TMEM184C: variants seen among roughly 807,000 people sequenced by gnomAD.
TMEM184C encodes the protein transmembrane protein 184C.
A neutral mutation model predicts 54.5 loss-of-function variants in TMEM184C; 25 were observed. That is an observed-to-expected ratio of 0.46 (90% CI 0.33 to 0.64). TMEM184C has a LOEUF of 0.64. TMEM184C is among the 30% of genes least tolerant of loss of function. TMEM184C has a pLI of 0.02. For missense variants in TMEM184C, 335 were observed against 520.3 expected, an observed-to-expected ratio of 0.64 and a Z score of 3.46; for synonymous variants, 148 against 181.5, an observed-to-expected ratio of 0.82 and a Z score of 1.49.
intron 6 of TMEM184C, among the ~76,000 whole-genome samples, chr4:147,630,150 A>T (rs755449074): frequency 1.8e-4 from 28 of 152,026 alleles, no homozygotes; most frequent in Non-Finnish European, 3.8e-4. Context: ...TTAAAGGAAA[A>T]TTGAGAATGC....
chr4:147,625,159 T>C, intron 4 of TMEM184C, 150 bp downstream of exon 4: 1 of 702,698 alleles, frequency 1.4e-6, no homozygotes, highest in Non-Finnish European at 2.3e-6. Flanking sequence ...TCATAGTTGT[T>C]TGAAGGCTAA....
chr4:147,628,386 G>T lies in TMEM184C; in HGVS notation c.523G>T (p.Gly175Cys). 6.2e-7 allele frequency: 1 copy of T among 1,613,206 alleles called. No homozygotes were observed. Among genetic ancestry groups the T allele is most frequent in the Non-Finnish European group, 8.5e-7 (1 of 1,179,770 alleles). The change falls in exon 5 of 10, where the codon GGT becomes TGT. Residue 175 changes from glycine (G) to cysteine (C), a missense_variant. Coordinates refer to ENST00000296582, the MANE Select transcript of TMEM184C (RefSeq NM_018241.3). Reference sequence around the variant, plus strand: ...AGTATTGCTGTTTAGGTGCAAACTAGGTGTATTACAGTACACAGTTGTCAG... The same window carrying T: ...AGTATTGCTGTTTAGGTGCAAACTATGTGTATTACAGTACACAGTTGTCAG... ...GEVLLFRCKL[G>C]VLQYTVVRPF...
chr4:147,632,983 C>G lies in TMEM184C; in HGVS notation c.860C>G (p.Ala287Gly), dbSNP rs776308493. ...KHTWEWQTVE[A>G]VATGLQDFII... ...ACGTGGGAATGGCAAACTGTAGAAG[C>G]TGTGGCCACCGGACTCCAGGTAAGT... Residue 287 changes from alanine to glycine, a missense_variant, in exon 8 of 10, where the codon GCT becomes GGT. Physicochemically the swap from Ala to Gly is moderately conservative, Grantham distance 60. Coordinates refer to ENST00000296582, the MANE Select transcript of TMEM184C (RefSeq NM_018241.3). 3 of 1,613,880 alleles carry G rather than the reference C, an allele frequency of 1.9e-6. No homozygotes were observed. In the African/African-American group the frequency reaches 4.0e-5, roughly 22 times the overall value.
chr4:147,621,579 GTTAC>G (rs1321619063), intron 1 of TMEM184C, among the ~76,000 whole-genome samples: 2 of 152,026 alleles, frequency 1.3e-5, no homozygotes, highest in African/African-American at 4.8e-5. Context: ...CTATTACAAT[GTTAC>G]TTAAATATAT....
intron 3 of TMEM184C, 144 bp downstream of exon 3, chr4:147,624,242 G>T: frequency 1.6e-6 from 1 of 622,554 alleles, no homozygotes; most frequent in Non-Finnish European, 2.6e-6. Context: ...TAATGATAGA[G>T]AATATAAAGT....
intron 8 of TMEM184C, 110 bp from the exon 9 acceptor site, chr4:147,633,655 A>T: frequency 2.2e-6 from 2 of 901,120 alleles, no homozygotes; most frequent in Non-Finnish European, 3.1e-6. Context: ...GAGAAGAAAA[A>T]ACACAGCTGT....
chr4:147,618,012 C>A lies in TMEM184C; in HGVS notation c.56C>A (p.Ala19Glu). 6.2e-7 allele frequency: 1 copy of A among 1,614,110 alleles called. No homozygotes were observed. ...NWRQWIRPLVAVIYLVSIVVA... is the reference protein window; with the variant it reads ...NWRQWIRPLVEVIYLVSIVVA... ...AGACAGTGGATTCGACCTTTAGTAG[C>A]GGTCATCTACCTGGTGTCAATAGTG... Residue 19 changes from alanine (A) to glutamate (E), a missense_variant, in exon 1 of 10, where the codon GCG becomes GAG. Coordinates refer to ENST00000296582, the MANE Select transcript of TMEM184C (RefSeq NM_018241.3).
chr4:147,622,046 G>A (rs372985741), intron 1 of TMEM184C, among the ~76,000 whole-genome samples: 12 of 148,398 alleles, frequency 8.1e-5, no homozygotes, highest in East Asian at 2.0e-4. Context: ...GTGCAGTGGC[G>A]CGGTCATGGC....
chr4:147,630,573 A>C (rs543543710), intron 6 of TMEM184C, among the ~76,000 whole-genome samples: 2 of 152,228 alleles, frequency 1.3e-5, no homozygotes, highest in African/African-American at 4.8e-5. Flanking sequence ...CCAAAATATT[A>C]GGCAGTTACT....
Position 147,636,100 on chromosome 4 carries a change from G to A in TMEM184C, c.*1666G>A, listed in dbSNP as rs1003729684. 1 of 151,926 alleles carries A rather than the reference G, an allele frequency of 6.6e-6. No homozygotes were observed. The highest frequency in any genetic ancestry group is 1.5e-5 in the Non-Finnish European group (1 of 67,958). 9.4% of individuals were successfully genotyped at this position (151,926 alleles called of 1,614,324 possible). On this transcript the variant is annotated 3_prime_UTR_variant, in exon 10 of 10. Transcript: ENST00000296582. ...AATGCAATCCTATCAAAATTCCAAT[G>A]GCATTATTTACACAAACAGAAAAAA... is the stretch of plus-strand genomic sequence containing the variant.
chr4:147,618,303 AG>A (rs2126545394), intron 1 of TMEM184C, among the ~76,000 whole-genome samples: 1 of 152,344 alleles, frequency 6.6e-6, no homozygotes, highest in South Asian at 2.1e-4. Flanking sequence ...ATATTAATAT[AG>A]CTGCTTAGAA....
chr4:147,625,112 A>G, intron 4 of TMEM184C, 103 bp downstream of exon 4: 1 of 1,110,656 alleles, frequency 9.0e-7, no homozygotes, highest in Non-Finnish European at 1.3e-6. Context: ...AAGTATTAAT[A>G]GCAGAACAAT....
intron 1 of TMEM184C, among the ~76,000 whole-genome samples, chr4:147,621,228 C>T (rs992122354): frequency 6.6e-6 from 1 of 152,136 alleles, no homozygotes; most frequent in African/African-American, 2.4e-5. Context: ...TCTACTCTCT[C>T]CCCTCAGGAA....
rs1292905649 is a variant in TMEM184C at position 147,632,885 on chromosome 4, C to T, written c.780-18C>T. ...ATGCTTGATATAGATTTGGCGTTTACCTTTTCCTAACATATAGGCAAGCAG... is the reference window on the plus strand; with the variant it reads ...ATGCTTGATATAGATTTGGCGTTTATCTTTTCCTAACATATAGGCAAGCAG... On this transcript the variant is annotated intron_variant, in intron 7 of 9. Coordinates refer to ENST00000296582, the MANE Select transcript of TMEM184C (RefSeq NM_018241.3). 1.2e-6 allele frequency: 2 copies of T among 1,606,456 alleles called. No individual in the cohort carries two copies. The highest frequency in any genetic ancestry group is 2.7e-5 in the African/African-American group (2 of 74,432).
Position 147,634,243 on chromosome 4 carries a change from T to C in TMEM184C, c.1126T>C (p.Leu376=), listed in dbSNP as rs1732970362. The stretch of plus-strand genomic sequence containing the variant: ...AGATCAAAATGAACATACAAGTTTA[T>C]TATCATCATCATCACAAGATGCAAT... ...DQDQNEHTSL[L]SSSSQDAISI... is the part of the protein sequence containing the mutation. Residue 376 remains leucine, a synonymous_variant, in exon 10 of 10, where the codon TTA becomes CTA. Transcript: ENST00000296582. 6.2e-7 allele frequency: 1 copy of C among 1,614,070 alleles called. No individual in the cohort carries two copies.
In TMEM184C at chr4:147,634,990, G is replaced by C. The variant is rs932563138; in HGVS notation, c.*556G>C. 1 of 152,386 alleles carries C rather than the reference G, an allele frequency of 6.6e-6. No individual in the cohort carries two copies. Among genetic ancestry groups the C allele is most frequent in the Non-Finnish European group, 1.5e-5 (1 of 68,324 alleles). 9.4% of individuals were successfully genotyped at this position (152,386 alleles called of 1,614,324 possible). A position where few individuals can be genotyped will look rare whatever the true frequency, so the allele number is the denominator to read the frequency against. On this transcript the variant is annotated 3_prime_UTR_variant, in exon 10 of 10. Transcript: ENST00000296582. The stretch of plus-strand genomic sequence containing the variant: ...GCCGACCTCGGCCTCCCAAAGTGCT[G>C]GAATTACAGGCGTGAGCCACTGCGC...
chr4:147,625,037 T>C, intron 4 of TMEM184C, 28 bp downstream of exon 4: 1 of 1,610,272 alleles, frequency 6.2e-7, no homozygotes, highest in Non-Finnish European at 8.5e-7. Context: ...AATTCTTTTA[T>C]GTTTTGGTTT....
intron 4 of TMEM184C, 83 bp downstream of exon 4, chr4:147,625,092 G>A (rs1435576211): frequency 7.6e-7 from 1 of 1,316,386 alleles, no homozygotes; most frequent in East Asian, 2.3e-5. Flanking sequence ...TCTTTACAAG[G>A]CAGTGCATTA....
At chr4:147,618,435 T>C (rs1262019625) in intron 1 of TMEM184C, among the ~76,000 whole-genome samples, 1 of 152,340 alleles carries the variant, frequency 6.6e-6, no homozygotes, top group Non-Finnish European at 1.5e-5. Flanking sequence ...AAACCATGTA[T>C]TGAATTTTAT....
Sources: gnomAD v4.1 joint callset for allele counts (sites outside exome capture counted in the v4.1 genomes callset) on GRCh38, gnomAD v4.1.1 for gene constraint, MANE v1.5 for transcripts, NCBI Gene and HGNC (gene_info 2026-07-23, HGNC 2026-07-21) for gene names.